Variants in NR2C2 observed in about 807,000 individuals in gnomAD.
NR2C2 encodes the protein nuclear receptor subfamily 2 group C member 2.
In NR2C2, 6 loss-of-function variants were observed where a neutral mutation model predicts 62.9. The ratio of observed to expected loss-of-function variants is 0.10; its 90% CI spans 0.05 to 0.19. The LOEUF is 0.19. NR2C2 is among the 10% of genes least tolerant of loss of function. The pLI is 1.00. For synonymous variants in NR2C2, 272 were observed against 273.8 expected, an observed-to-expected ratio of 0.99 and a Z score of 0.07; for missense variants, 479 against 762.7, an observed-to-expected ratio of 0.63 and a Z score of 4.38.
intron 1 of NR2C2, among the ~76,000 whole-genome samples, chr3:14,989,562 AG>A (rs1559548717): frequency 2.0e-5 from 3 of 152,152 alleles, no homozygotes; most frequent in African/African-American, 7.2e-5. Flanking sequence ...TGAGAGGCCC[AG>A]GTGGAAGGAT....
At chr3:14,955,251 G>A (rs116550557) in intron 1 of NR2C2, among the ~76,000 whole-genome samples, 2,408 of 152,262 alleles carry the variant, frequency 0.016, 65 homozygotes, top group African/African-American at 0.054. Context: ...GGAAGAATGT[G>A]TTCAAAGTTC....
intron 1 of NR2C2, among the ~76,000 whole-genome samples, chr3:14,963,532 G>A (rs1182087724): frequency 1.3e-5 from 2 of 151,954 alleles, no homozygotes; most frequent in African/African-American, 4.8e-5. Flanking sequence ...GCAGTGGCGC[G>A]ATCTCGGCCC....
intron 1 of NR2C2, among the ~76,000 whole-genome samples, chr3:14,955,632 A>C (rs1432432995): frequency 2.0e-5 from 3 of 152,186 alleles, no homozygotes; most frequent in Non-Finnish European, 4.4e-5. Flanking sequence ...TTGGTGAGCT[A>C]ATATTACATA....
chr3:14,990,490 C>T (rs1449251030), intron 1 of NR2C2, among the ~76,000 whole-genome samples: 1 of 152,198 alleles, frequency 6.6e-6, no homozygotes, highest in African/African-American at 2.4e-5. Flanking sequence ...TGACCTTCCG[C>T]AGAGCTGGGT....
chr3:14,958,695 T>C (rs182919577), intron 1 of NR2C2, among the ~76,000 whole-genome samples: 1 of 152,318 alleles, frequency 6.6e-6, no homozygotes, highest in Admixed American at 6.5e-5. Context: ...TGTTCCAGAT[T>C]GGTTGGGTGC....
In NR2C2 at chr3:15,043,297, G is replaced by GTTT. The variant is rs2042335740; in HGVS notation, c.*291_*293dup. On this transcript the variant is annotated 3_prime_UTR_variant, in exon 14 of 14. Coordinates refer to ENST00000425241, the MANE Select transcript of NR2C2 (RefSeq NM_001291694.2). The stretch of plus-strand genomic sequence containing the variant: ...CAAAGGGCAAAAAACAAAAAAAAAG[G>GTTT]TTTTATAATGTCAGAGACTAGTATT... The GTTT allele has an allele frequency of 4.5e-6, 1 of 220,052 alleles. No homozygotes were observed. Among genetic ancestry groups the GTTT allele is most frequent in the Admixed American group, 5.5e-5 (1 of 18,112 alleles). 13.6% of individuals were successfully genotyped at this position (220,052 alleles called of 1,614,324 possible).
At chr3:15,029,885 A>G (rs910466877) in intron 8 of NR2C2, among the ~76,000 whole-genome samples, 1 of 152,088 alleles carries the variant, frequency 6.6e-6, no homozygotes, top group Non-Finnish European at 1.5e-5. Context: ...AAAAAGAGAA[A>G]GAGACAAAGA....
At chr3:15,034,318 G>A (rs1415759287) in intron 10 of NR2C2, 1 of 175,466 alleles carries the variant, frequency 5.7e-6, no homozygotes, top group African/African-American at 2.4e-5. Flanking sequence ...TCATGACCTT[G>A]GCTGCAGGAC....
At position 15,043,311 on chromosome 3, in the gene NR2C2, G is replaced by A. The variant is rs1575053236; in HGVS notation, c.*303G>A. 1.5e-5 allele frequency: 3 copies of A among 199,532 alleles called. No individual in the cohort carries two copies. Among genetic ancestry groups the A allele is most frequent in the South Asian group, 3.2e-4 (2 of 6,294 alleles). 12.4% of individuals were successfully genotyped at this position (199,532 alleles called of 1,614,324 possible). A position where few individuals can be genotyped will look rare whatever the true frequency, so the allele number is the denominator to read the frequency against. ...CAAAAAAAAAGGTTTTATAATGTCA[G>A]AGACTAGTATTAAAGAAAACTGAAA... On this transcript the variant is annotated 3_prime_UTR_variant, in exon 14 of 14. Transcript: ENST00000425241.
intron 1 of NR2C2, among the ~76,000 whole-genome samples, chr3:14,990,200 C>G (rs926571131): frequency 6.6e-6 from 1 of 152,156 alleles, no homozygotes; most frequent in South Asian, 2.1e-4. Flanking sequence ...GTCTTTCCTC[C>G]TCTCCTTGTA....
chr3:14,995,569 A>C (rs2040809255), intron 1 of NR2C2, among the ~76,000 whole-genome samples: 1 of 152,036 alleles, frequency 6.6e-6, no homozygotes, highest in South Asian at 2.1e-4. Context: ...CATTTTATCT[A>C]TTCATCAGTT....
At chr3:15,011,170 C>T (rs998923562) in intron 2 of NR2C2, among the ~76,000 whole-genome samples, 2 of 151,984 alleles carry the variant, frequency 1.3e-5, no homozygotes, top group African/African-American at 4.8e-5. Context: ...TCCATCTCCA[C>T]AAAAAAATTT....
At chr3:15,014,121 T>C (rs1203669251) in intron 3 of NR2C2, among the ~76,000 whole-genome samples, 1 of 152,172 alleles carries the variant, frequency 6.6e-6, no homozygotes, top group African/African-American at 2.4e-5. Context: ...ATTTTAAAGG[T>C]ACCACCTAGG....
At chr3:15,036,616 A>T (rs899127865) in intron 11 of NR2C2, among the ~76,000 whole-genome samples, 1 of 152,144 alleles carries the variant, frequency 6.6e-6, no homozygotes, top group African/African-American at 2.4e-5. Flanking sequence ...CAGCCTCCCA[A>T]GTAGCTGGGA....
intron 9 of NR2C2, 132 bp from the exon 10 acceptor site, chr3:15,032,247 C>A: frequency 1.6e-6 from 2 of 1,258,220 alleles, no homozygotes; most frequent in African/African-American, 1.5e-5. Context: ...CCCCCGACTG[C>A]ATGGGACTTC....
intron 1 of NR2C2, among the ~76,000 whole-genome samples, chr3:14,978,413 A>G (rs2040268620): frequency 6.6e-6 from 1 of 152,224 alleles, no homozygotes; most frequent in Admixed American, 6.5e-5. Flanking sequence ...GCTAGTATTA[A>G]ATACTGTTCT....
At chr3:14,994,332 C>G (rs1444753090) in intron 1 of NR2C2, among the ~76,000 whole-genome samples, 8 of 151,842 alleles carry the variant, frequency 5.3e-5, no homozygotes, top group Admixed American at 5.2e-4. Context: ...CCCAGAAGCT[C>G]TCCTTATGCC....
At chr3:14,985,434 G>A (rs547249381) in intron 1 of NR2C2, among the ~76,000 whole-genome samples, 4 of 151,992 alleles carry the variant, frequency 2.6e-5, no homozygotes, top group African/African-American at 7.2e-5. Context: ...TTTTTGTTAC[G>A]TTTTAATTTA....
At chr3:14,954,546 CAG>C (rs140197146) in intron 1 of NR2C2, among the ~76,000 whole-genome samples, 1 of 152,136 alleles carries the variant, frequency 6.6e-6, no homozygotes, top group Non-Finnish European at 1.5e-5. Flanking sequence ...TACTGTACGA[CAG>C]TGAAAATGGA....
Sources: gnomAD v4.1 joint callset for allele counts (sites outside exome capture counted in the v4.1 genomes callset) on GRCh38, gnomAD v4.1.1 for gene constraint, MANE v1.5 for transcripts, NCBI Gene and HGNC (gene_info 2026-07-23, HGNC 2026-07-21) for gene names.